The following SNX27 variants were observed in gnomAD, a reference collection of about 807,000 sequenced individuals.
The protein encoded by SNX27 is sorting nexin 27.
SNX27 carries 22 observed loss-of-function variants against 71.6 expected under a neutral mutation model. The ratio of observed to expected loss-of-function variants is 0.31; its 90% CI spans 0.22 to 0.44. SNX27 has a LOEUF of 0.44. SNX27 is among the 20% of genes least tolerant of loss of function. The probability of loss-of-function intolerance (pLI) is 1.00; values close to 1 mark genes in which losing one functional copy is unlikely to be tolerated. For missense variants in SNX27, 531 were observed against 698.6 expected (o/e 0.76, Z 2.70); for synonymous variants, 269 against 277.2 (o/e 0.97, Z 0.29).
chr1:151,620,892 A>G (rs1667641330), intron 1 of SNX27, among the ~76,000 whole-genome samples: 2 of 152,082 alleles, frequency 1.3e-5, no homozygotes, highest in Non-Finnish European at 2.9e-5. Flanking sequence ...GGGTTTCACC[A>G]TGCTGGCCAG....
At chr1:151,645,731 C>T (rs1669005327) in intron 2 of SNX27, among the ~76,000 whole-genome samples, 1 of 152,222 alleles carries the variant, frequency 6.6e-6, no homozygotes, top group African/African-American at 2.4e-5. Context: ...ACGTCACTTT[C>T]TGAGTTTTAG....
chr1:151,692,178 C>T (rs1312002228), intron 8 of SNX27, among the ~76,000 whole-genome samples: 2 of 151,978 alleles, frequency 1.3e-5, no homozygotes, highest in Non-Finnish European at 2.9e-5. Flanking sequence ...GAGCCAAGAT[C>T]ATGCTACTGC....
intron 2 of SNX27, among the ~76,000 whole-genome samples, chr1:151,641,643 A>G (rs1477730739): frequency 1.5e-5 from 2 of 132,500 alleles, no homozygotes; most frequent in Non-Finnish European, 3.2e-5. Context: ...TATGTATCAT[A>G]TATATATCAT....
At chr1:151,637,031 A>T (rs567890312) in intron 1 of SNX27, among the ~76,000 whole-genome samples, 7 of 152,182 alleles carry the variant, frequency 4.6e-5, no homozygotes, top group African/African-American at 1.7e-4. Context: ...GAAAGGTTAA[A>T]AACTCAGTCA....
In SNX27 at chr1:151,615,221, C is replaced by G. The variant is rs1023408982; in HGVS notation, c.311+2709C>G. Among the ~76,000 whole-genome samples the G allele has an allele frequency of 2.0e-5, 3 of 152,298 alleles. No homozygotes were observed. The East Asian group carries it at 5.8e-4, about 29-fold the overall frequency. On this transcript the variant is annotated intron_variant, in intron 1 of 11. Transcript: ENST00000458013. ...TTCCTGGCATTGGTTTCTCACTCTT[C>G]CAACTATCTGTATTTTGATTTCCAA... is the stretch of plus-strand genomic sequence containing the variant.
intron 7 of SNX27, among the ~76,000 whole-genome samples, chr1:151,671,714 C>A (rs1490266434): frequency 2.6e-5 from 4 of 151,852 alleles, no homozygotes; most frequent in African/African-American, 9.7e-5. Flanking sequence ...AATATTTATT[C>A]TTCCAATCCA....
At chr1:151,632,743 A>G (rs1048940444) in intron 1 of SNX27, among the ~76,000 whole-genome samples, 1 of 152,214 alleles carries the variant, frequency 6.6e-6, no homozygotes, top group Non-Finnish European at 1.5e-5. Context: ...TTTATTCACA[A>G]TAGCAAAACA....
At chr1:151,622,311 A>C (rs1353996797) in intron 1 of SNX27, among the ~76,000 whole-genome samples, 1 of 152,178 alleles carries the variant, frequency 6.6e-6, no homozygotes, top group Non-Finnish European at 1.5e-5. Context: ...ACATTCATGT[A>C]CAGGACCACT....
intron 1 of SNX27, among the ~76,000 whole-genome samples, chr1:151,624,294 C>T (rs1019143800): frequency 6.6e-6 from 1 of 151,650 alleles, no homozygotes; most frequent in African/African-American, 2.4e-5. Context: ...ATTTTGTATT[C>T]TACTAAGAGT....
At chr1:151,691,625 C>A (rs1320982539) in intron 8 of SNX27, among the ~76,000 whole-genome samples, 7 of 151,876 alleles carry the variant, frequency 4.6e-5, no homozygotes, top group African/African-American at 1.7e-4. Context: ...CATGTGCCAC[C>A]ATGCTTGGCT....
At chr1:151,693,239 C>G (rs927293244) in intron 10 of SNX27, 185 bp from the exon 11 acceptor site, 1 of 909,020 alleles carries the variant, frequency 1.1e-6, no homozygotes, top group African/African-American at 1.7e-5. Flanking sequence ...CCACTTGGCT[C>G]GTAGTTACCA....
Position 151,658,220 on chromosome 1 carries a change from C to G in SNX27, c.544-15C>G. On this transcript the variant is annotated splice_polypyrimidine_tract_variant and intron_variant, in intron 2 of 11. Transcript: ENST00000458013. ...GTATTAAGTATGCTTTTCTTTTGTT[C>G]TTCTCCTTCACCAGGTATATAATGT... 5 of 1,583,518 alleles carry G rather than the reference C, an allele frequency of 3.2e-6. No individual in the cohort carries two copies. The highest frequency in any genetic ancestry group is 1.9e-5 in the Admixed American group (1 of 52,992).
chr1:151,641,615 A>ATATATATATC (rs1279744107), intron 2 of SNX27, among the ~76,000 whole-genome samples: 6 of 136,874 alleles, frequency 4.4e-5, no homozygotes, highest in Non-Finnish European at 7.8e-5. Flanking sequence ...ATATATATAT[A>ATATATATATC]TATATATATA....
At chr1:151,630,836 A>G (rs1668196036) in intron 1 of SNX27, among the ~76,000 whole-genome samples, 2 of 152,198 alleles carry the variant, frequency 1.3e-5, no homozygotes, top group East Asian at 1.9e-4. Flanking sequence ...GATCGAGACC[A>G]TCCTGGCTAA....
At chr1:151,643,276 ATTT>A (rs1668866846) in intron 2 of SNX27, among the ~76,000 whole-genome samples, 1 of 97,216 alleles carries the variant, frequency 1.0e-5, no homozygotes, top group Non-Finnish European at 2.2e-5. Context: ...TTATTTATTT[ATTT>A]ATTTATTTAT....
intron 1 of SNX27, among the ~76,000 whole-genome samples, chr1:151,631,876 A>G (rs993329312): frequency 2.0e-5 from 3 of 152,068 alleles, no homozygotes; most frequent in Non-Finnish European, 2.9e-5. Context: ...GAGTCCCACC[A>G]TGTTGCTCAG....
chr1:151,614,706 ACTTTC>A (rs1667351258), intron 1 of SNX27, among the ~76,000 whole-genome samples: 1 of 152,212 alleles, frequency 6.6e-6, no homozygotes, highest in Admixed American at 6.5e-5. Context: ...CAGAATTGTC[ACTTTC>A]CTTTCCCTTT....
chr1:151,626,571 G>A (rs375527669), intron 1 of SNX27, among the ~76,000 whole-genome samples: 5 of 152,072 alleles, frequency 3.3e-5, no homozygotes, highest in African/African-American at 7.2e-5. Flanking sequence ...GTGTGGTGGC[G>A]TGCCCCTGTA....
At chr1:151,693,260 C>A in intron 10 of SNX27, 164 bp from the exon 11 acceptor site, 2 of 903,094 alleles carry the variant, frequency 2.2e-6, no homozygotes, top group Non-Finnish European at 3.4e-6. Context: ...CTAGAAGGAG[C>A]TAGAGAATAG....
Sources: gnomAD v4.1 joint callset for allele counts (sites outside exome capture counted in the v4.1 genomes callset) on GRCh38, gnomAD v4.1.1 for gene constraint, MANE v1.5 for transcripts, NCBI Gene and HGNC (gene_info 2026-07-23, HGNC 2026-07-21) for gene names.